The following METTL15 variants were observed in gnomAD, a reference collection of about 807,000 sequenced individuals.
The protein encoded by METTL15 is methyltransferase 15, mitochondrial 12S rRNA N4-cytidine.
Under a neutral mutation model 38.3 loss-of-function variants are expected in METTL15, and 34 were observed. The observed-to-expected ratio is 0.89, with a 90% CI of 0.68 to 1.18. The LOEUF is 1.18. Among genes scored for constraint, METTL15 ranks in the 50% most tolerant of loss-of-function variants. METTL15 has a pLI of 0.00. For missense variants in METTL15, 438 were observed against 498.4 expected (o/e 0.88, Z 1.15); for synonymous variants, 162 against 170.9 (o/e 0.95, Z 0.41).
chr11:28,461,187 T>C (rs1851210883), intron 6 of METTL15, among the ~76,000 whole-genome samples: 1 of 152,070 alleles, frequency 6.6e-6, no homozygotes, highest in Admixed American at 6.6e-5. Context: ...CAAACATGAA[T>C]CCAATTCCAT....
intron 3 of METTL15, among the ~76,000 whole-genome samples, chr11:28,340,505 G>A (rs906163609): frequency 1.3e-5 from 2 of 152,052 alleles, no homozygotes; most frequent in African/African-American, 4.8e-5. Context: ...TCAAAAAGTG[G>A]GCAAAGGATA....
chr11:28,402,869 C>T (rs1001543556), intron 5 of METTL15, among the ~76,000 whole-genome samples: 2 of 151,732 alleles, frequency 1.3e-5, no homozygotes, highest in Non-Finnish European at 2.9e-5. Flanking sequence ...CAATGTTTGT[C>T]ATTCCACTCT....
At chr11:28,372,385 G>C (rs1201799782) in intron 5 of METTL15, among the ~76,000 whole-genome samples, 1 of 149,146 alleles carries the variant, frequency 6.7e-6, no homozygotes, top group Admixed American at 6.7e-5. Flanking sequence ...TCTTGGTTTT[G>C]TTGAGGATTT....
intron 5 of METTL15, among the ~76,000 whole-genome samples, chr11:28,396,191 G>T (rs1215610599): frequency 2.0e-5 from 3 of 152,148 alleles, no homozygotes; most frequent in Non-Finnish European, 1.5e-5. Context: ...CACAAGACAG[G>T]GATGCCCTCT....
At chr11:28,351,360 C>A (rs940028906) in intron 3 of METTL15, among the ~76,000 whole-genome samples, 1 of 152,156 alleles carries the variant, frequency 6.6e-6, no homozygotes, top group Non-Finnish European at 1.5e-5. Context: ...ATCCAGTCCA[C>A]CCACCTCAGC....
chr11:28,234,999 G>T (rs892542797), intron 4 of METTL15, among the ~76,000 whole-genome samples: 3 of 151,936 alleles, frequency 2.0e-5, no homozygotes, highest in Admixed American at 6.6e-5. Flanking sequence ...GTAAGGAAGG[G>T]ATCCAGTTTC....
At chr11:28,437,045 G>C (rs1207528958) in intron 6 of METTL15, among the ~76,000 whole-genome samples, 1 of 152,122 alleles carries the variant, frequency 6.6e-6, no homozygotes, top group East Asian at 1.9e-4. Context: ...TCCTGCCCTT[G>C]AACGTCAGAC....
intron 3 of METTL15, among the ~76,000 whole-genome samples, chr11:28,165,929 G>A (rs1850643212): frequency 6.6e-6 from 1 of 151,910 alleles, no homozygotes; most frequent in African/African-American, 2.4e-5. Context: ...CCATTTTGTG[G>A]CCTTGGCACC....
chr11:28,402,362 G>T (rs1486139791), intron 5 of METTL15, among the ~76,000 whole-genome samples: 3 of 151,920 alleles, frequency 2.0e-5, no homozygotes, highest in Non-Finnish European at 4.4e-5. Flanking sequence ...TCTCTGCTCT[G>T]TAGCCAAGCT....
At chr11:28,374,093 G>A (rs1412665541) in intron 5 of METTL15, among the ~76,000 whole-genome samples, 1 of 152,156 alleles carries the variant, frequency 6.6e-6, no homozygotes, top group Non-Finnish European at 1.5e-5. Context: ...TTGAAGTCAG[G>A]TAGTGTGATG....
At chr11:28,504,217 A>AAG (rs1382613200) in intron 6 of METTL15, among the ~76,000 whole-genome samples, 1 of 151,320 alleles carries the variant, frequency 6.6e-6, no homozygotes, top group Non-Finnish European at 1.5e-5. Context: ...AAAAAAAAAA[A>AAG]AGAGAGGGAG....
chr11:28,262,904 C>G (rs1434669611), intron 4 of METTL15, among the ~76,000 whole-genome samples: 1 of 152,004 alleles, frequency 6.6e-6, no homozygotes, highest in Non-Finnish European at 1.5e-5. Context: ...AAAACTACAT[C>G]CACAAAGAGG....
At chr11:28,426,299 T>C (rs1850863454) in intron 6 of METTL15, among the ~76,000 whole-genome samples, 1 of 152,202 alleles carries the variant, frequency 6.6e-6, no homozygotes. Context: ...TATGGTTACA[T>C]AGTATTGTAT....
At chr11:28,236,634 T>G (rs1018064600) in intron 4 of METTL15, among the ~76,000 whole-genome samples, 1 of 152,232 alleles carries the variant, frequency 6.6e-6, no homozygotes, top group African/African-American at 2.4e-5. Flanking sequence ...GTGAATTTGA[T>G]CCTGCCATTA....
chr11:28,266,244 A>G (rs1017693695), intron 4 of METTL15, among the ~76,000 whole-genome samples: 7 of 152,240 alleles, frequency 4.6e-5, no homozygotes, highest in African/African-American at 1.4e-4. Flanking sequence ...ATGCTGCTAT[A>G]AAGACACATG....
intron 6 of METTL15, among the ~76,000 whole-genome samples, chr11:28,485,235 C>CAAGAAAAGAA (rs71909949): frequency 4.0e-5 from 6 of 150,730 alleles, no homozygotes; most frequent in African/African-American, 1.5e-4. Flanking sequence ...TTATTGAATG[C>CAAGAAAAGAA]AAGAAAAGAA....
At chr11:28,330,337 CA>C in intron 6 of METTL15, 58 bp from the exon 7 acceptor site, 1 of 1,375,970 alleles carries the variant, frequency 7.3e-7, no homozygotes, top group Non-Finnish European at 9.8e-7. Context: ...ATTAGATTTA[CA>C]GTGAAAAATA....
chr11:28,229,133 A>G (rs1171816015), intron 4 of METTL15, among the ~76,000 whole-genome samples: 1 of 152,006 alleles, frequency 6.6e-6, no homozygotes, highest in Non-Finnish European at 1.5e-5. Context: ...TGTTTATCAT[A>G]ACATTGTTTA....
downstream of METTL15, among the ~76,000 whole-genome samples, chr11:28,529,389 A>C (rs1851831443): frequency 6.6e-6 from 1 of 152,074 alleles, no homozygotes; most frequent in Admixed American, 6.5e-5. Context: ...GTATCATTTT[A>C]AAGCACAAAG....
Sources: gnomAD v4.1 joint callset for allele counts (sites outside exome capture counted in the v4.1 genomes callset) on GRCh38, gnomAD v4.1.1 for gene constraint, MANE v1.5 for transcripts, NCBI Gene and HGNC (gene_info 2026-07-23, HGNC 2026-07-21) for gene names.